FYN: variants seen among roughly 807,000 people sequenced by gnomAD.
FYN encodes the protein FYN proto-oncogene, Src family tyrosine kinase.
Under a neutral mutation model 70.2 loss-of-function variants are expected in FYN, and 10 were observed. The ratio of observed to expected loss-of-function variants is 0.14; its 90% CI spans 0.09 to 0.24. The LOEUF is 0.24. FYN is among the 10% of genes least tolerant of loss of function. FYN has a pLI of 1.00. For missense variants in FYN, 319 were observed against 673.1 expected (o/e 0.47, Z 5.82); for synonymous variants, 236 against 248.6 (o/e 0.95, Z 0.48).
chr6:111,862,597 C>T, intron 1 of FYN, among the ~76,000 whole-genome samples: 1 of 152,088 alleles, frequency 6.6e-6, no homozygotes, highest in Admixed American at 6.5e-5. Flanking sequence ...CTTAGGTGGA[C>T]AGTCAAAAAG....
intron 6 of FYN, among the ~76,000 whole-genome samples, chr6:111,705,583 T>C (rs1405153436): frequency 6.6e-6 from 1 of 152,112 alleles, no homozygotes; most frequent in African/African-American, 2.4e-5. Flanking sequence ...GAGTGGTGGC[T>C]CATGATTGTA....
intron 3 of FYN, among the ~76,000 whole-genome samples, chr6:111,743,092 G>A (rs547500171): frequency 2.4e-4 from 36 of 151,334 alleles, no homozygotes; most frequent in African/African-American, 8.3e-4. Flanking sequence ...TCAGCCTCCC[G>A]AGTAGCTGGA....
intron 2 of FYN, among the ~76,000 whole-genome samples, chr6:111,830,496 G>A (rs751744246): frequency 7.7e-6 from 1 of 129,588 alleles, no homozygotes; most frequent in African/African-American, 2.8e-5. Context: ...GTTAGAAAGT[G>A]TGGTAGCACA....
chr6:111,708,376 C>T (rs970750725), intron 5 of FYN: 1 of 265,254 alleles, frequency 3.8e-6, no homozygotes, highest in Non-Finnish European at 7.5e-6. Flanking sequence ...AACATGTTAG[C>T]TGCAGATCAT....
chr6:111,760,123 GAA>G (rs764025420), intron 3 of FYN, among the ~76,000 whole-genome samples: 1 of 152,038 alleles, frequency 6.6e-6, no homozygotes, highest in Non-Finnish European at 1.5e-5. Flanking sequence ...ACCGTACTGT[GAA>G]AAGTTTGATT....
chr6:111,844,631 C>T (rs983161391), intron 2 of FYN: 19 of 152,352 alleles, frequency 1.2e-4, no homozygotes, highest in African/African-American at 4.1e-4. Flanking sequence ...CTCACTCCAT[C>T]CAAGCAGCAT....
At chr6:111,865,015 G>C (rs1240114167) in intron 1 of FYN, among the ~76,000 whole-genome samples, 1 of 152,202 alleles carries the variant, frequency 6.6e-6, no homozygotes, top group Non-Finnish European at 1.5e-5. Flanking sequence ...TCAGGGAGGA[G>C]TAGGTAGCTG....
At chr6:111,703,055 TAGC>T (rs1159134693) in intron 7 of FYN, 21 bp from the exon 8 acceptor site, 3 of 1,610,674 alleles carry the variant, frequency 1.9e-6, no homozygotes, top group East Asian at 4.5e-5. Context: ...TGGAAAGCAT[TAGC>T]AGCTCCAATC....
At chr6:111,708,460 C>T (rs1194781530) in intron 5 of FYN, among the ~76,000 whole-genome samples, 3 of 151,412 alleles carry the variant, frequency 2.0e-5, no homozygotes, top group Non-Finnish European at 2.9e-5. Context: ...TTGTAAGCAC[C>T]CCTCTCTTTC....
At chr6:111,862,627 C>T (rs1419229257) in intron 1 of FYN, among the ~76,000 whole-genome samples, 2 of 152,110 alleles carry the variant, frequency 1.3e-5, no homozygotes, top group Non-Finnish European at 2.9e-5. Flanking sequence ...ATATGTGGGG[C>T]CAAGTATGTC....
chr6:111,704,475 T>G (rs1294406375), intron 6 of FYN, among the ~76,000 whole-genome samples: 1 of 152,204 alleles, frequency 6.6e-6, no homozygotes, highest in Non-Finnish European at 1.5e-5. Context: ...GACTCTAGTC[T>G]GGGCATGGTG....
intron 1 of FYN, among the ~76,000 whole-genome samples, 183 bp downstream of exon 1, chr6:111,872,785 C>A (rs1774322542): frequency 6.6e-6 from 1 of 151,756 alleles, no homozygotes; most frequent in Non-Finnish European, 1.5e-5. Flanking sequence ...GGGGTGTCCT[C>A]CGGTGCAACC....
intron 3 of FYN, among the ~76,000 whole-genome samples, chr6:111,777,434 C>T (rs916841986): frequency 2.6e-5 from 4 of 152,110 alleles, no homozygotes; most frequent in Non-Finnish European, 5.9e-5. Context: ...CAGAGTTTCT[C>T]AGCTTGGTAT....
At chr6:111,779,464 T>C (rs1177392786) in intron 3 of FYN, among the ~76,000 whole-genome samples, 1 of 152,236 alleles carries the variant, frequency 6.6e-6, no homozygotes, top group Admixed American at 6.5e-5. Context: ...TGGTATCATC[T>C]ACCCCCACCC....
intron 2 of FYN, among the ~76,000 whole-genome samples, chr6:111,843,227 C>T (rs1773417799): frequency 6.6e-6 from 1 of 152,214 alleles, no homozygotes. Context: ...GGAAACCAAA[C>T]CTCTCTCCTC....
At chr6:111,865,956 C>T (rs1318531203) in intron 1 of FYN, among the ~76,000 whole-genome samples, 1 of 152,124 alleles carries the variant, frequency 6.6e-6, no homozygotes, top group East Asian at 1.9e-4. Context: ...AGTAAATTTC[C>T]CAACTTTTCT....
At chr6:111,730,799 T>A (rs1315856417) in intron 3 of FYN, among the ~76,000 whole-genome samples, 1 of 152,210 alleles carries the variant, frequency 6.6e-6, no homozygotes, top group African/African-American at 2.4e-5. Context: ...CAATCAAGTA[T>A]CTTCCTACCC....
chr6:111,720,084 G>A (rs770436634), intron 3 of FYN, 22 bp from the exon 4 acceptor site: 1 of 1,562,152 alleles, frequency 6.4e-7, no homozygotes, highest in Non-Finnish European at 8.7e-7. Flanking sequence ...AAAAAAGGGG[G>A]CACGTAAGCT....
chr6:111,802,235 C>G (rs1307758620), intron 2 of FYN, among the ~76,000 whole-genome samples: 1 of 151,152 alleles, frequency 6.6e-6, no homozygotes, highest in African/African-American at 2.5e-5. Flanking sequence ...TCCCCCTCTC[C>G]TCTCCCACTT....
Sources: allele counts gnomAD v4.1 joint callset (sites outside exome capture counted in the v4.1 genomes callset), GRCh38; gene constraint gnomAD v4.1.1; transcripts MANE v1.5; gene names NCBI Gene and HGNC (gene_info 2026-07-23, HGNC 2026-07-21).